SSBP2: variants seen among roughly 807,000 people sequenced by gnomAD.
SSBP2 encodes single stranded DNA binding protein 2.
In SSBP2, 17 loss-of-function variants were observed where a neutral mutation model predicts 61.8. That is an observed-to-expected ratio of 0.28 (90% CI 0.19 to 0.41). SSBP2 has a LOEUF of 0.41. Ranked by LOEUF, SSBP2 falls within the 10% of genes least tolerant of loss-of-function variation. SSBP2 has a pLI of 1.00. For synonymous variants in SSBP2, 139 were observed against 141.3 expected (o/e 0.98, Z 0.12); for missense variants, 310 against 458.7 (o/e 0.68, Z 2.96).
At chr5:81,529,213 A>G (rs1167587808) in intron 4 of SSBP2, among the ~76,000 whole-genome samples, 1 of 152,138 alleles carries the variant, frequency 6.6e-6, no homozygotes, top group Non-Finnish European at 1.5e-5. Flanking sequence ...GCTATGGGGT[A>G]AAATCATCGT....
At chr5:81,546,223 T>A (rs1177589119) in intron 4 of SSBP2, among the ~76,000 whole-genome samples, 2 of 152,186 alleles carry the variant, frequency 1.3e-5, no homozygotes, top group Admixed American at 1.3e-4. Context: ...ATGCCACACA[T>A]AACTTTACAC....
At chr5:81,667,286 TACACACAC>T (rs71605804) in intron 1 of SSBP2, among the ~76,000 whole-genome samples, 5,023 of 133,780 alleles carry the variant, frequency 0.038, 213 homozygotes, top group African/African-American at 0.1. Context: ...GGGATACAGA[TACACACAC>T]ACACACACAC....
intron 1 of SSBP2, among the ~76,000 whole-genome samples, chr5:81,705,429 C>A (rs891567513): frequency 4.6e-5 from 7 of 151,944 alleles, no homozygotes; most frequent in Non-Finnish European, 1.0e-4. Context: ...TATTAAAGGA[C>A]ACATATATTT....
At chr5:81,649,402 G>A (rs1268475446) in intron 2 of SSBP2, among the ~76,000 whole-genome samples, 2 of 152,024 alleles carry the variant, frequency 1.3e-5, no homozygotes, top group Non-Finnish European at 2.9e-5. Context: ...TGGATTAGAT[G>A]AAGATGGGGT....
At chr5:81,683,263 G>T (rs762423289) in intron 1 of SSBP2, among the ~76,000 whole-genome samples, 3 of 152,094 alleles carry the variant, frequency 2.0e-5, no homozygotes, top group African/African-American at 4.8e-5. Flanking sequence ...TACTAAAGAA[G>T]TGTGGTACTG....
chr5:81,740,347 T>G (rs909340766), intron 1 of SSBP2, among the ~76,000 whole-genome samples: 1 of 151,424 alleles, frequency 6.6e-6, no homozygotes, highest in Admixed American at 6.6e-5. Context: ...CCTTAATAGC[T>G]TCCCAGGATA....
chr5:81,692,863 G>A (rs1753308770), intron 1 of SSBP2, among the ~76,000 whole-genome samples: 1 of 152,030 alleles, frequency 6.6e-6, no homozygotes, highest in Admixed American at 6.6e-5. Context: ...AAATCAAAAT[G>A]GATTACAGAC....
At chr5:81,570,633 C>T (rs1773764807) in intron 4 of SSBP2, among the ~76,000 whole-genome samples, 1 of 152,156 alleles carries the variant, frequency 6.6e-6, no homozygotes, top group African/African-American at 2.4e-5. Flanking sequence ...TGGACTTGAA[C>T]CCACTTCACC....
intron 4 of SSBP2, among the ~76,000 whole-genome samples, chr5:81,533,351 A>G (rs1320278168): frequency 6.6e-6 from 1 of 152,072 alleles, no homozygotes; most frequent in Non-Finnish European, 1.5e-5. Context: ...AAAATATAAT[A>G]TATCAAAATT....
chr5:81,658,896 A>G (rs1449713390), intron 1 of SSBP2, among the ~76,000 whole-genome samples: 1 of 152,246 alleles, frequency 6.6e-6, no homozygotes, highest in Non-Finnish European at 1.5e-5. Context: ...TCCATCACAT[A>G]AACAGAACCA....
chr5:81,631,533 T>C (rs1457418823), intron 3 of SSBP2, among the ~76,000 whole-genome samples: 7 of 150,528 alleles, frequency 4.7e-5, no homozygotes, highest in Non-Finnish European at 1.0e-4. Context: ...GGACTACCAA[T>C]TGCTGCTGCA....
At chr5:81,433,565 C>T (rs1762474459) in intron 15 of SSBP2, among the ~76,000 whole-genome samples, 1 of 147,204 alleles carries the variant, frequency 6.8e-6, no homozygotes, top group Non-Finnish European at 1.5e-5. Flanking sequence ...AAATCCCCCT[C>T]CGCGAGAAAC....
chr5:81,679,240 C>A (rs1752212491), intron 1 of SSBP2, among the ~76,000 whole-genome samples: 1 of 152,238 alleles, frequency 6.6e-6, no homozygotes, highest in Non-Finnish European at 1.5e-5. Flanking sequence ...AACTCCTTAT[C>A]TCAAGTGATC....
At chr5:81,589,352 T>A (rs1775320302) in intron 4 of SSBP2, among the ~76,000 whole-genome samples, 1 of 152,202 alleles carries the variant, frequency 6.6e-6, no homozygotes, top group African/African-American at 2.4e-5. Context: ...ACAAAGCTCT[T>A]ACCAAGAGAC....
chr5:81,608,842 C>T (rs1225708657), intron 4 of SSBP2, among the ~76,000 whole-genome samples: 1 of 151,856 alleles, frequency 6.6e-6, no homozygotes, highest in African/African-American at 2.4e-5. Context: ...AAGACGTTAC[C>T]TAAGGCATCC....
intron 12 of SSBP2, among the ~76,000 whole-genome samples, chr5:81,446,578 G>GT (rs1475551148): frequency 2.6e-5 from 4 of 152,028 alleles, no homozygotes; most frequent in Non-Finnish European, 5.9e-5. Flanking sequence ...GATTTGGTTA[G>GT]TTTTATCAGT....
intron 5 of SSBP2, among the ~76,000 whole-genome samples, chr5:81,500,317 G>A (rs1228553478): frequency 6.6e-6 from 1 of 152,030 alleles, no homozygotes; most frequent in Non-Finnish European, 1.5e-5. Context: ...GGGTTCAAGC[G>A]ATTCTCCTGC....
intron 5 of SSBP2, among the ~76,000 whole-genome samples, chr5:81,510,571 A>G (rs981671003): frequency 6.6e-6 from 1 of 151,986 alleles, no homozygotes; most frequent in Non-Finnish European, 1.5e-5. Context: ...GACCAGTCTG[A>G]CCAACAGGGG....
intron 10 of SSBP2, among the ~76,000 whole-genome samples, chr5:81,459,844 T>A (rs1300953986): frequency 6.6e-6 from 1 of 152,094 alleles, no homozygotes; most frequent in South Asian, 2.1e-4. Context: ...ATTTTGAGGG[T>A]GTAAAGGTAC....
Sources: allele counts gnomAD v4.1 joint callset (sites outside exome capture counted in the v4.1 genomes callset), GRCh38; gene constraint gnomAD v4.1.1; transcripts MANE v1.5; gene names NCBI Gene and HGNC (gene_info 2026-07-23, HGNC 2026-07-21).